CCSER1: variants seen among roughly 807,000 people sequenced by gnomAD.
CCSER1 encodes the protein coiled-coil serine rich protein 1.
Under a neutral mutation model 82.0 loss-of-function variants are expected in CCSER1, and 41 were observed. That is an observed-to-expected ratio of 0.50 (90% CI 0.39 to 0.65). The LOEUF (loss-of-function observed/expected upper bound fraction) is 0.65. Ranked by LOEUF, CCSER1 falls within the 30% of genes least tolerant of loss-of-function variation. The pLI is 0.00. For missense variants in CCSER1, 1,119 were observed against 1,064.2 expected, an observed-to-expected ratio of 1.05 and a Z score of -0.72; for synonymous variants, 414 against 383.9, an observed-to-expected ratio of 1.08 and a Z score of -0.92.
intron 8 of CCSER1, among the ~76,000 whole-genome samples, chr4:90,915,998 C>G (rs1404661536): frequency 3.3e-5 from 5 of 152,126 alleles, no homozygotes; most frequent in African/African-American, 1.2e-4. Flanking sequence ...CAAACCACTG[C>G]TCAATGAAAT....
At chr4:91,154,822 G>A (rs140614294) in intron 10 of CCSER1, among the ~76,000 whole-genome samples, 90 of 151,956 alleles carry the variant, frequency 5.9e-4, no homozygotes, top group Middle Eastern at 3.4e-3. Flanking sequence ...TATATCAGGC[G>A]CAGTTTTAAG....
chr4:90,276,186 TTTTCTTTCTTTC>T lies in CCSER1; in HGVS notation c.-41-32001_-41-31990del, dbSNP rs1158531206. ...TCTAGCAGGAAAGACTTGAACACTGTTTTCTTTCTTTCTTTCTTTCTTTCTTTCTTTCTTTCT... is the reference window on the plus strand; with the variant it reads ...TCTAGCAGGAAAGACTTGAACACTGTTTTCTTTCTTTCTTTCTTTCTTTCT... On this transcript the variant is annotated intron_variant, in intron 1 of 10. Coordinates refer to ENST00000509176, the MANE Select transcript of CCSER1 (RefSeq NM_001145065.2). Among the ~76,000 whole-genome samples, 116 of 113,306 alleles carry T rather than the reference TTTTCTTTCTTTC, an allele frequency of 1.0e-3. 1 individual carries two copies. The highest frequency in any genetic ancestry group is 4.3e-3 in the Middle Eastern group (1 of 232). 74.3% of individuals were successfully genotyped at this position (113,306 alleles called of 152,430 possible). A position where few individuals can be genotyped will look rare whatever the true frequency, so the allele number is the denominator to read the frequency against.
intron 10 of CCSER1, among the ~76,000 whole-genome samples, chr4:91,312,775 C>A (rs889752689): frequency 3.3e-5 from 5 of 151,768 alleles, no homozygotes; most frequent in African/African-American, 1.2e-4. Context: ...TGTAAATTGC[C>A]TAGTCTTACC....
intron 3 of CCSER1, among the ~76,000 whole-genome samples, chr4:90,320,998 T>A (rs1165706748): frequency 6.6e-6 from 1 of 152,110 alleles, no homozygotes; most frequent in Non-Finnish European, 1.5e-5. Context: ...CAATTTATAT[T>A]AATACTAATC....
intron 10 of CCSER1, among the ~76,000 whole-genome samples, chr4:91,398,765 C>G (rs1198114907): frequency 6.6e-6 from 1 of 151,520 alleles, no homozygotes; most frequent in African/African-American, 2.4e-5. Flanking sequence ...CTTCATCAAG[C>G]CTATTTTACT....
At chr4:90,916,754 A>G (rs1224211255) in intron 8 of CCSER1, among the ~76,000 whole-genome samples, 2 of 152,184 alleles carry the variant, frequency 1.3e-5, no homozygotes, top group African/African-American at 4.8e-5. Flanking sequence ...AAATTTTTGC[A>G]ATCTACTCAT....
chr4:90,383,776 G>T (rs953074363), intron 3 of CCSER1, among the ~76,000 whole-genome samples: 8 of 151,348 alleles, frequency 5.3e-5, no homozygotes, highest in Non-Finnish European at 7.4e-5. Context: ...TTGTTGCCCA[G>T]GCTTGAGGAC....
chr4:90,441,674 C>T lies in CCSER1; in HGVS notation c.1604-26560C>T, dbSNP rs149234652. Among the ~76,000 whole-genome samples the T allele has an allele frequency of 4.3e-3, 653 of 152,244 alleles. 6 individuals carry two copies. Among genetic ancestry groups the T allele is most frequent in the African/African-American group, 0.015 (632 of 41,532 alleles). ...GCTACTATGCCATTTAGAATGATAG[C>T]ACTTGAATTGACTTATAGTGTGAAT... On this transcript the variant is annotated intron_variant, in intron 4 of 10. Transcript: ENST00000509176.
intron 10 of CCSER1, among the ~76,000 whole-genome samples, chr4:91,580,659 G>A (rs1763684736): frequency 6.6e-6 from 1 of 151,636 alleles, no homozygotes; most frequent in Admixed American, 6.6e-5. Flanking sequence ...CTGTGATGAT[G>A]GCAAAGCTGA....
chr4:90,196,715 C>T (rs1288964664), intron 1 of CCSER1, among the ~76,000 whole-genome samples: 1 of 150,130 alleles, frequency 6.7e-6, no homozygotes, highest in African/African-American at 2.5e-5. Flanking sequence ...CTTATACATT[C>T]TATTGCTCAA....
chr4:90,633,285 C>G (rs1359141094), intron 6 of CCSER1, among the ~76,000 whole-genome samples: 1 of 151,930 alleles, frequency 6.6e-6, no homozygotes, highest in African/African-American at 2.4e-5. Flanking sequence ...GAATGAGGAT[C>G]AAAGTAAGTA....
intron 10 of CCSER1, among the ~76,000 whole-genome samples, chr4:91,340,607 G>T (rs1350784514): frequency 6.6e-6 from 1 of 151,896 alleles, no homozygotes; most frequent in Non-Finnish European, 1.5e-5. Context: ...TCTTTAATTT[G>T]GTATGTGGTG....
intron 10 of CCSER1, among the ~76,000 whole-genome samples, chr4:91,411,483 CATATATACATATATATATATATAT>C (rs1297189666): frequency 4.3e-5 from 3 of 69,248 alleles, no homozygotes; most frequent in African/African-American, 1.1e-4. Context: ...TAAATTTCTG[CATATATACATATATATATATATAT>C]ATATATATAT....
At chr4:91,181,078 G>A (rs1402899116) in intron 10 of CCSER1, among the ~76,000 whole-genome samples, 1 of 152,228 alleles carries the variant, frequency 6.6e-6, no homozygotes, top group Non-Finnish European at 1.5e-5. Context: ...TAAACCCACA[G>A]TCTTCCAGCA....
intron 10 of CCSER1, among the ~76,000 whole-genome samples, chr4:91,326,977 G>C (rs1178006180): frequency 2.0e-5 from 3 of 152,158 alleles, no homozygotes; most frequent in Non-Finnish European, 2.9e-5. Flanking sequence ...TGCCTCTGTG[G>C]CTCTGGAAGG....
intron 10 of CCSER1, among the ~76,000 whole-genome samples, chr4:91,450,885 A>C (rs1028960076): frequency 1.3e-5 from 2 of 152,026 alleles, no homozygotes; most frequent in Non-Finnish European, 2.9e-5. Flanking sequence ...CAATCCAAAA[A>C]GCCAGGATGG....
Position 90,624,393 on chromosome 4 carries a change from G to A in CCSER1, c.1725-3632G>A, listed in dbSNP as rs577719632. Among the ~76,000 whole-genome samples, 5 of 142,586 alleles carry A rather than the reference G, an allele frequency of 3.5e-5. No individual in the cohort carries two copies. The East Asian group carries it at 1.1e-3, about 31-fold the overall frequency. The allele number at this position is 142,586 out of a possible 152,430, so 93.5% of individuals were successfully genotyped here. A position where few individuals can be genotyped will look rare whatever the true frequency, so the allele number is the denominator to read the frequency against. ...TACCCAATGATACTACTTAGTTATAGCTAAGTGAGAAAAAAAATCATAAAA... is the reference window on the plus strand; with the variant it reads ...TACCCAATGATACTACTTAGTTATAACTAAGTGAGAAAAAAAATCATAAAA... On this transcript the variant is annotated intron_variant, in intron 5 of 10. Coordinates refer to ENST00000509176, the MANE Select transcript of CCSER1 (RefSeq NM_001145065.2).
At chr4:90,715,464 A>G (rs1188005251) in intron 6 of CCSER1, among the ~76,000 whole-genome samples, 2 of 152,038 alleles carry the variant, frequency 1.3e-5, no homozygotes, top group African/African-American at 4.8e-5. Context: ...ACTAAACACT[A>G]AAGCAAGAGA....
At chr4:90,128,494 C>CGT (rs147426828) in intron 1 of CCSER1, among the ~76,000 whole-genome samples, 43,936 of 149,962 alleles carry the variant, frequency 0.29, 7,349 homozygotes, top group Non-Finnish European at 0.39. Context: ...AGGTTGTGTG[C>CGT]GTGTGTGTGT....
Sources: allele counts gnomAD v4.1 joint callset (sites outside exome capture counted in the v4.1 genomes callset), GRCh38; gene constraint gnomAD v4.1.1; transcripts MANE v1.5; gene names NCBI Gene and HGNC (gene_info 2026-07-23, HGNC 2026-07-21).